Variants in FBH1 observed in about 807,000 individuals in gnomAD.
FBH1 encodes F-box DNA helicase 1.
Under a neutral mutation model 115.5 loss-of-function variants are expected in FBH1, and 43 were observed. That is an observed-to-expected ratio of 0.37 (90% confidence interval 0.29 to 0.48). The LOEUF is 0.48. FBH1 is among the 20% of genes least tolerant of loss of function. The probability of loss-of-function intolerance (pLI) is 0.99; values close to 1 mark genes in which losing one functional copy is unlikely to be tolerated. For missense variants in FBH1, 1,001 were observed against 1,337.3 expected (o/e 0.75, Z 3.92); for synonymous variants, 524 against 507.8 (o/e 1.03, Z -0.43).
At chr10:5,912,688 C>T (rs973653716) in intron 6 of FBH1, among the ~76,000 whole-genome samples, 1 of 152,222 alleles carries the variant, frequency 6.6e-6, no homozygotes, top group Non-Finnish European at 1.5e-5. Context: ...TGCCGCATCC[C>T]CACAGGGTGG....
rs562493335 is a variant in FBH1 at position 5,917,299 on chromosome 10, C to T, written c.1789-121C>T. On this transcript the variant is annotated intron_variant, in intron 10 of 20. Transcript: ENST00000362091. The surrounding 1 kb of genome is among the most constrained non-coding windows in gnomAD (Gnocchi z 5.6). ...ACCCAGGAGGTTAGGGTGGTGTCTG[C>T]GGTCCCCCTTCTGTGAGGATGCCCT... 25 of 761,408 alleles carry T rather than the reference C, an allele frequency of 3.3e-5. No individual in the cohort carries two copies. The highest frequency in any genetic ancestry group is 3.6e-4 in the Middle Eastern group (1 of 2,784). 47.2% of individuals were successfully genotyped at this position (761,408 alleles called of 1,614,324 possible).
In FBH1 at chr10:5,936,673, GATA is replaced by G; in HGVS notation, c.2961+88_2961+90del. 6.6e-7 allele frequency: 1 copy of G among 1,524,098 alleles called. No individual in the cohort carries two copies. Among genetic ancestry groups the G allele is most frequent in the East Asian group, 2.3e-5 (1 of 43,726 alleles). The allele number at this position is 1,524,098 out of a possible 1,614,324, so 94.4% of individuals were successfully genotyped here. On this transcript the variant is annotated intron_variant, in intron 20 of 20. Coordinates refer to ENST00000362091, the MANE Select transcript of FBH1 (RefSeq NM_178150.3). This position sits in a 1 kb window ranked among gnomAD's most constrained non-coding sequence, Gnocchi z 5.6. ...TGCTTATCTGGGTTGTAGGTGAGGA[GATA>G]AGAGAGAGCTGTGTGATCCTTTATT...
At position 5,906,424 on chromosome 10, in the gene FBH1, A is replaced by G. The variant is rs781058434; in HGVS notation, c.545A>G (p.Gln182Arg). 1.2e-6 allele frequency: 2 copies of G among 1,614,210 alleles called. No individual in the cohort carries two copies. Among genetic ancestry groups the G allele is most frequent in the East Asian group, 4.5e-5 (2 of 44,886 alleles). The change falls in exon 3 of 21, where the codon CAA (glutamine) becomes CGA (arginine). Residue 182 changes from glutamine to arginine, a missense_variant. By Grantham distance (43) the Gln-to-Arg change is conservative. Transcript: ENST00000362091. The surrounding 1 kb of genome is among the most constrained non-coding windows in gnomAD (Gnocchi z 7.3). Reference sequence around the variant, plus strand: ...TCTGCGGAGTCTGGTGAAACCGACCAAGATGCTGGGGACGTGGGTCCTGAT... The same window carrying G: ...TCTGCGGAGTCTGGTGAAACCGACCGAGATGCTGGGGACGTGGGTCCTGAT... Reference protein sequence around the residue: ...RLSAESGETDQDAGDVGPDPI... With the variant: ...RLSAESGETDRDAGDVGPDPI...
chr10:5,903,074 G>A lies in FBH1; in HGVS notation c.56G>A (p.Arg19Gln), dbSNP rs759382233. 9.3e-6 allele frequency: 15 copies of A among 1,613,484 alleles called. No individual in the cohort carries two copies. Among genetic ancestry groups the A allele is most frequent in the Non-Finnish European group, 1.3e-5 (15 of 1,179,760 alleles). The change falls in exon 2 of 21, where the codon CGG becomes CAG. Residue 19 changes from arginine to glutamine, a missense_variant. This residue lies in a region of FBH1 where 420 missense variants were observed against 430.4 expected (regional missense o/e 0.98). Coordinates refer to ENST00000362091, the MANE Select transcript of FBH1 (RefSeq NM_178150.3). Reference sequence around the variant, plus strand: ...GCCATTGACTGCCAGCATTTGGCTCGGAGTCACTTGGCTGTGACCCAGCCC... The same window carrying A: ...GCCATTGACTGCCAGCATTTGGCTCAGAGTCACTTGGCTGTGACCCAGCCC... Reference protein sequence around the residue: ...LTAIDCQHLARSHLAVTQPFG... With the variant: ...LTAIDCQHLAQSHLAVTQPFG...
In FBH1 at chr10:5,937,465, T is replaced by C. The variant is rs1833437704; in HGVS notation, c.*185T>C. 1 of 491,430 alleles carries C rather than the reference T, an allele frequency of 2.0e-6. No individual in the cohort carries two copies. Among genetic ancestry groups the C allele is most frequent in the Non-Finnish European group, 3.4e-6 (1 of 298,222 alleles). 30.4% of individuals were successfully genotyped at this position (491,430 alleles called of 1,614,324 possible). A position where few individuals can be genotyped will look rare whatever the true frequency, so the allele number is the denominator to read the frequency against. ...CTCCCTACAGACAGCCAGTCTCCACTTGCCTCCCCTCTGGATGTATCTGGT... is the reference window on the plus strand; with the variant it reads ...CTCCCTACAGACAGCCAGTCTCCACCTGCCTCCCCTCTGGATGTATCTGGT... On this transcript the variant is annotated 3_prime_UTR_variant, in exon 21 of 21. Coordinates refer to ENST00000362091, the MANE Select transcript of FBH1 (RefSeq NM_178150.3).
In FBH1 at chr10:5,936,662, G is replaced by A. The variant is rs768160591; in HGVS notation, c.2961+75G>A. On this transcript the variant is annotated intron_variant, in intron 20 of 20. Coordinates refer to ENST00000362091, the MANE Select transcript of FBH1 (RefSeq NM_178150.3). The surrounding 1 kb of genome is among the most constrained non-coding windows in gnomAD (Gnocchi z 5.6). ...TGTGAGCTCTGTGCTTATCTGGGTT[G>A]TAGGTGAGGAGATAAGAGAGAGCTG... The A allele has an allele frequency of 6.8e-4, 1,061 of 1,567,686 alleles. 1 individual carries two copies. Among genetic ancestry groups the A allele is most frequent in the Non-Finnish European group, 8.6e-4 (981 of 1,143,708 alleles).
intron 1 of FBH1, among the ~76,000 whole-genome samples, chr10:5,896,642 G>C (rs1034493075): frequency 1.3e-5 from 2 of 152,124 alleles, no homozygotes; most frequent in Admixed American, 6.5e-5. Flanking sequence ...AATTTGGTGT[G>C]TAGGAGACCA....
In FBH1 at chr10:5,906,694, C is replaced by A. The variant is rs41290311; in HGVS notation, c.753+62C>A. The A allele has an allele frequency of 1.4e-5, 18 of 1,298,028 alleles. 1 individual carries two copies. The South Asian group carries it at 2.4e-4, about 17-fold the overall frequency. 80.4% of individuals were successfully genotyped at this position (1,298,028 alleles called of 1,614,324 possible). On this transcript the variant is annotated intron_variant, in intron 3 of 20. Transcript: ENST00000362091. This position sits in a 1 kb window ranked among gnomAD's most constrained non-coding sequence, Gnocchi z 7.3. ...AAAGCACGTAACTTTGCTTAATGCA[C>A]GCTTATAATCAGAGGATCTTTTCAG...
In FBH1 at chr10:5,924,242, C is replaced by T. The variant is rs1458772217; in HGVS notation, c.2399-69C>T. ...CTGCTCTTGCGCAGCTGCTTAGGAA[C>T]GTGCAGCACCTGCCACCATCTGTTA... On this transcript the variant is annotated intron_variant, in intron 16 of 20. Transcript: ENST00000362091. This position sits in a 1 kb window ranked among gnomAD's most constrained non-coding sequence, Gnocchi z 6.2. The T allele has an allele frequency of 1.3e-5, 20 of 1,509,956 alleles. No individual in the cohort carries two copies. The highest frequency in any genetic ancestry group is 1.7e-5 in the Non-Finnish European group (19 of 1,092,522). The allele number at this position is 1,509,956 out of a possible 1,614,324, so 93.5% of individuals were successfully genotyped here.
intron 19 of FBH1, among the ~76,000 whole-genome samples, 200 bp downstream of exon 19, chr10:5,927,741 G>C (rs1425029013): frequency 6.6e-6 from 1 of 152,136 alleles, no homozygotes; most frequent in African/African-American, 2.4e-5. Flanking sequence ...TCTTTTCTAA[G>C]TCATTTCCTA....
chr10:5,925,479 G>T lies in FBH1; in HGVS notation c.2709G>T (p.Pro903=), dbSNP rs149933985. The change falls in exon 18 of 21, where the codon CCG becomes CCT. Residue 903 remains proline (P), a synonymous_variant. Transcript: ENST00000362091. This position sits in a 1 kb window ranked among gnomAD's most constrained non-coding sequence, Gnocchi z 4.6. ...PCARHNLPQL[P]HFRVESFSED... ...CCCGGCATAACCTGCCCCAGCTTCCGCACTTCAGAGTTGGTAAGAGGCCGC... is the reference window on the plus strand; with the variant it reads ...CCCGGCATAACCTGCCCCAGCTTCCTCACTTCAGAGTTGGTAAGAGGCCGC... The T allele has an allele frequency of 6.2e-7, 1 of 1,613,960 alleles. No individual in the cohort carries two copies. The highest frequency in any genetic ancestry group is 8.5e-7 in the Non-Finnish European group (1 of 1,180,018).
In FBH1 at chr10:5,933,216, T is replaced by C. The variant is rs1812884304; in HGVS notation, c.2830-3240T>C. 1.3e-5 allele frequency among the ~76,000 whole-genome samples: 2 copies of C among 152,086 alleles called. No individual in the cohort carries two copies. The highest frequency in any genetic ancestry group is 6.5e-5 in the Admixed American group (1 of 15,278). Reference sequence around the variant, plus strand: ...CAGCCTGGCTAACATGGTGAAACCCTGTCTCTACTAAAAATACAAAAATTA... The same window carrying C: ...CAGCCTGGCTAACATGGTGAAACCCCGTCTCTACTAAAAATACAAAAATTA... On this transcript the variant is annotated intron_variant, in intron 19 of 20. Transcript: ENST00000362091. The surrounding 1 kb of genome is among the most constrained non-coding windows in gnomAD (Gnocchi z 4.9).
Position 5,918,245 on chromosome 10 carries a change from C to T in FBH1, c.1964-97C>T. On this transcript the variant is annotated intron_variant, in intron 12 of 20. Transcript: ENST00000362091. This position sits in a 1 kb window ranked among gnomAD's most constrained non-coding sequence, Gnocchi z 4.0. Reference sequence around the variant, plus strand: ...AAAGGCGACCGTGAGGTCCAGTGTGCCCTGGCTTAGCTTCGTGGAAGTGTT... The same window carrying T: ...AAAGGCGACCGTGAGGTCCAGTGTGTCCTGGCTTAGCTTCGTGGAAGTGTT... 1 of 1,481,558 alleles carries T rather than the reference C, an allele frequency of 6.7e-7. No homozygotes were observed. The highest frequency in any genetic ancestry group is 2.3e-5 in the East Asian group (1 of 42,954). The allele number at this position is 1,481,558 out of a possible 1,614,324, so 91.8% of individuals were successfully genotyped here.
Position 5,915,293 on chromosome 10 carries a change from T to C in FBH1, c.1397-110T>C. 1 of 1,152,130 alleles carries C rather than the reference T, an allele frequency of 8.7e-7. No individual in the cohort carries two copies. Among genetic ancestry groups the C allele is most frequent in the Non-Finnish European group, 1.2e-6 (1 of 816,822 alleles). The allele number at this position is 1,152,130 out of a possible 1,614,324, so 71.4% of individuals were successfully genotyped here. On this transcript the variant is annotated intron_variant, in intron 8 of 20. Transcript: ENST00000362091. The surrounding 1 kb of genome is among the most constrained non-coding windows in gnomAD (Gnocchi z 5.2). The stretch of plus-strand genomic sequence containing the variant: ...ACCAGCACTGAAAAACTTGTTACTG[T>C]CCTGCTCTCAAGACAGAGGTGTGAT...
At chr10:5,927,058 G>A (rs1238034057) in intron 18 of FBH1, among the ~76,000 whole-genome samples, 2 of 152,208 alleles carry the variant, frequency 1.3e-5, no homozygotes, top group Non-Finnish European at 2.9e-5. Context: ...TTAGCCATGG[G>A]CTTGTTTGTG....
chr10:5,911,178 C>T lies in FBH1; in HGVS notation c.1211+50C>T. On this transcript the variant is annotated intron_variant, in intron 6 of 20. Coordinates refer to ENST00000362091, the MANE Select transcript of FBH1 (RefSeq NM_178150.3). The surrounding 1 kb of genome is among the most constrained non-coding windows in gnomAD (Gnocchi z 5.4). ...GGATGCTGTGATAATGGGAGAGTCC[C>T]AGACACAGCAGCAGGTCCAGCCCTG... 6.5e-7 allele frequency: 1 copy of T among 1,544,838 alleles called. No homozygotes were observed. Among genetic ancestry groups the T allele is most frequent in the Non-Finnish European group, 8.8e-7 (1 of 1,136,676 alleles).
At chr10:5,916,689 CTGAGGATGGGGGAACGGGAAGTGTT>C (rs1831980997) in intron 10 of FBH1, among the ~76,000 whole-genome samples, 3 of 66,748 alleles carry the variant, frequency 4.5e-5, no homozygotes, top group Non-Finnish European at 6.5e-5. Context: ...TGTTAGGGAT[CTGAGGATGGGGGAACGGGAAGTGTT>C]AGGGATCTGA....
rs1245381084 is a variant in FBH1 at position 5,921,416 on chromosome 10, T to C, written c.2201-32T>C. ...ACAAAAGTTTTCCTCTTTATTTCAA[T>C]TTGCCATAGAGTTTGTGCTCTCTCC... On this transcript the variant is annotated intron_variant, in intron 14 of 20. Coordinates refer to ENST00000362091, the MANE Select transcript of FBH1 (RefSeq NM_178150.3). This position sits in a 1 kb window ranked among gnomAD's most constrained non-coding sequence, Gnocchi z 6.4. The C allele has an allele frequency of 1.9e-6, 3 of 1,610,398 alleles. No homozygotes were observed. The highest frequency in any genetic ancestry group is 2.2e-5 in the East Asian group (1 of 44,856).
At chr10:5,890,238 T>A (rs1430231410), upstream of FBH1, 1 of 358,510 alleles carries the variant, frequency 2.8e-6, no homozygotes, top group African/African-American at 2.2e-5. Context: ...CGTCTCGGGC[T>A]CCAGGTCCCG....
Sources: allele counts gnomAD v4.1 joint callset (sites outside exome capture counted in the v4.1 genomes callset), GRCh38; gene constraint gnomAD v4.1.1; regional missense constraint gnomAD v4.1.1; non-coding constraint Gnocchi (gnomAD v3.1); transcripts MANE v1.5; gene names NCBI Gene and HGNC (gene_info 2026-07-23, HGNC 2026-07-21).